R3HCC1L: variants seen among roughly 807,000 people sequenced by gnomAD.
R3HCC1L encodes the protein R3H domain and coiled-coil containing 1 like.
R3HCC1L carries 51 observed loss-of-function variants against 59.9 expected under a neutral mutation model. The observed-to-expected ratio is 0.85, with a 90% confidence interval of 0.68 to 1.07. The LOEUF (loss-of-function observed/expected upper bound fraction) is 1.07, where lower values mean the gene tolerates loss of function less well. Ranked by LOEUF, R3HCC1L falls within the 50% of genes least tolerant of loss-of-function variation. R3HCC1L has a pLI of 0.00. For missense variants in R3HCC1L, 965 were observed against 933.0 expected (o/e 1.03, Z -0.45); for synonymous variants, 322 against 315.2 (o/e 1.02, Z -0.23).
intron 5 of R3HCC1L, among the ~76,000 whole-genome samples, chr10:98,214,019 A>G (rs1853889970): frequency 6.6e-6 from 1 of 152,188 alleles, no homozygotes; most frequent in African/African-American, 2.4e-5. Flanking sequence ...GTCCAAACAG[A>G]AAGAGGGAAC....
chr10:98,215,872 A>G (rs1306134106), intron 5 of R3HCC1L, among the ~76,000 whole-genome samples: 1 of 152,218 alleles, frequency 6.6e-6, no homozygotes, highest in Non-Finnish European at 1.5e-5. Context: ...GTGTTAGGAA[A>G]TAGTAATATA....
intron 5 of R3HCC1L, among the ~76,000 whole-genome samples, chr10:98,227,078 G>A (rs1855749486): frequency 6.6e-6 from 1 of 152,190 alleles, no homozygotes; most frequent in Admixed American, 6.5e-5. Context: ...AAGCAGAGTG[G>A]AACTAATATG....
chr10:98,231,814 G>A (rs752541822), intron 6 of R3HCC1L, 127 bp downstream of exon 6: 19 of 1,015,500 alleles, frequency 1.9e-5, no homozygotes, highest in Non-Finnish European at 2.5e-5. Context: ...CTGGTTTATT[G>A]TCTTTTCCAG....
At chr10:98,143,064 A>G (rs1845318823) in intron 1 of R3HCC1L, among the ~76,000 whole-genome samples, 1 of 152,128 alleles carries the variant, frequency 6.6e-6, no homozygotes, top group African/African-American at 2.4e-5. Context: ...ACCTTTTCTA[A>G]ATCTGAAAAT....
chr10:98,230,990 A>C (rs774192954), intron 5 of R3HCC1L: 3 of 409,210 alleles, frequency 7.3e-6, no homozygotes, highest in South Asian at 5.5e-5. Flanking sequence ...TTGTCTTAAC[A>C]AATGCCTTTG....
intron 5 of R3HCC1L, among the ~76,000 whole-genome samples, chr10:98,220,688 TC>T (rs1417499893): frequency 6.6e-6 from 1 of 151,252 alleles, no homozygotes; most frequent in East Asian, 1.9e-4. Flanking sequence ...TTCATCCATG[TC>T]CCTACAAAGG....
At chr10:98,164,398 C>T (rs1266781964) in intron 4 of R3HCC1L, among the ~76,000 whole-genome samples, 1 of 152,162 alleles carries the variant, frequency 6.6e-6, no homozygotes, top group African/African-American at 2.4e-5. Flanking sequence ...TTGCTTTTGT[C>T]AGCATCAGAA....
At chr10:98,220,384 A>AT (rs1854747091) in intron 5 of R3HCC1L, among the ~76,000 whole-genome samples, 1 of 114,036 alleles carries the variant, frequency 8.8e-6, no homozygotes, top group African/African-American at 3.3e-5. Flanking sequence ...TTTTTTTCCC[A>AT]TCTTTTTTTT....
At chr10:98,221,152 T>C (rs1854888231) in intron 5 of R3HCC1L, among the ~76,000 whole-genome samples, 1 of 151,356 alleles carries the variant, frequency 6.6e-6, no homozygotes, top group Admixed American at 6.6e-5. Context: ...TTTTTTCATG[T>C]GTCTTTTGGC....
At chr10:98,142,161 G>C (rs780477157) in intron 1 of R3HCC1L, among the ~76,000 whole-genome samples, 5 of 152,068 alleles carry the variant, frequency 3.3e-5, no homozygotes, top group Non-Finnish European at 4.4e-5. Context: ...CTTTTTAACT[G>C]AATTTGCAAG....
intron 1 of R3HCC1L, among the ~76,000 whole-genome samples, chr10:98,147,816 G>C (rs1326893997): frequency 6.6e-6 from 1 of 152,102 alleles, no homozygotes; most frequent in Non-Finnish European, 1.5e-5. Context: ...TCAGAGTTTT[G>C]TAGTGTAATT....
intron 7 of R3HCC1L, 104 bp from the exon 8 acceptor site, chr10:98,235,321 T>C: frequency 1.0e-6 from 1 of 976,852 alleles, no homozygotes; most frequent in South Asian, 1.5e-5. Context: ...TTGCTTGCTT[T>C]GAAAAAAAAG....
intron 1 of R3HCC1L, among the ~76,000 whole-genome samples, chr10:98,139,913 A>G (rs1844979408): frequency 6.6e-6 from 1 of 150,412 alleles, no homozygotes; most frequent in Non-Finnish European, 1.5e-5. Flanking sequence ...GCAGAGAAGC[A>G]CTGTTGGAAA....
chr10:98,229,580 C>T (rs1191581362), intron 5 of R3HCC1L, among the ~76,000 whole-genome samples: 1 of 152,168 alleles, frequency 6.6e-6, no homozygotes, highest in Non-Finnish European at 1.5e-5. Context: ...ATTTCTTTCT[C>T]CTGCCTGATT....
chr10:98,138,384 T>C (rs1844798848), intron 1 of R3HCC1L, among the ~76,000 whole-genome samples: 1 of 152,208 alleles, frequency 6.6e-6, no homozygotes, highest in Non-Finnish European at 1.5e-5. Context: ...TAATTTTTCC[T>C]TTATGTTTTA....
chr10:98,147,234 T>C (rs1272710693), intron 1 of R3HCC1L, among the ~76,000 whole-genome samples: 4 of 152,196 alleles, frequency 2.6e-5, no homozygotes, highest in African/African-American at 7.2e-5. Context: ...TTCAGATCTT[T>C]TGCCTGTTTT....
At chr10:98,157,222 T>A (rs1564626838) in intron 2 of R3HCC1L, among the ~76,000 whole-genome samples, 1 of 152,222 alleles carries the variant, frequency 6.6e-6, no homozygotes, top group Non-Finnish European at 1.5e-5. Context: ...GTGATGTGCT[T>A]TGGTGTGGGT....
intron 4 of R3HCC1L, among the ~76,000 whole-genome samples, chr10:98,187,388 G>A (rs564757757): frequency 6.7e-6 from 1 of 149,848 alleles, no homozygotes; most frequent in Admixed American, 6.6e-5. Context: ...GCCATGTAAG[G>A]TTTTTATAAT....
intron 5 of R3HCC1L, among the ~76,000 whole-genome samples, chr10:98,213,693 T>C (rs1853847127): frequency 1.3e-5 from 2 of 152,194 alleles, no homozygotes; most frequent in Admixed American, 1.3e-4. Flanking sequence ...ATAGACTTTA[T>C]TTTTGAGTAG....
Sources: gnomAD v4.1 joint callset for allele counts (sites outside exome capture counted in the v4.1 genomes callset) on GRCh38, gnomAD v4.1.1 for gene constraint, MANE v1.5 for transcripts, NCBI Gene and HGNC (gene_info 2026-07-23, HGNC 2026-07-21) for gene names.